The following C12orf56 variants were observed in gnomAD, a reference collection of about 807,000 sequenced individuals.
C12orf56 encodes chromosome 12 open reading frame 56, also known as uncharacterized protein C12orf56.
C12orf56 carries 71 observed loss-of-function variants against 69.9 expected under a neutral mutation model. That is an observed-to-expected ratio of 1.02 (90% CI 0.84 to 1.24). The LOEUF (loss-of-function observed/expected upper bound fraction) is 1.24, where lower values mean the gene tolerates loss of function less well. C12orf56 is among the 50% of genes most tolerant of loss of function. The probability of loss-of-function intolerance (pLI) is 0.00; values close to 1 mark genes in which losing one functional copy is unlikely to be tolerated. For synonymous variants in C12orf56, 276 were observed against 274.1 expected, an observed-to-expected ratio of 1.01 and a Z score of -0.07; for missense variants, 732 against 738.5, an observed-to-expected ratio of 0.99 and a Z score of 0.10.
chr12:64,321,787 G>A (rs2038777126), intron 3 of C12orf56, among the ~76,000 whole-genome samples: 1 of 151,948 alleles, frequency 6.6e-6, no homozygotes, highest in South Asian at 2.1e-4. Context: ...GTATGTATTG[G>A]CATTAAGTTC....
At chr12:64,319,175 G>A (rs1054792061) in intron 3 of C12orf56, among the ~76,000 whole-genome samples, 195 bp from the exon 4 acceptor site, 1 of 152,082 alleles carries the variant, frequency 6.6e-6, no homozygotes. Flanking sequence ...TTTAGTATAC[G>A]TTTCTGTTTT....
At chr12:64,286,133 A>C in intron 6 of C12orf56, 73 bp from the exon 7 acceptor site, 1 of 896,912 alleles carries the variant, frequency 1.1e-6, no homozygotes, top group Non-Finnish European at 1.7e-6. Context: ...CTCATGTACT[A>C]AAAATATGAA....
intron 3 of C12orf56, among the ~76,000 whole-genome samples, chr12:64,319,256 G>C (rs1466322257): frequency 6.6e-6 from 1 of 152,140 alleles, no homozygotes; most frequent in Non-Finnish European, 1.5e-5. Context: ...TGAAAGTATT[G>C]TGCCTGTCCT....
intron 1 of C12orf56, among the ~76,000 whole-genome samples, chr12:64,388,772 G>A (rs969170149): frequency 5.9e-5 from 9 of 152,156 alleles, no homozygotes; most frequent in Non-Finnish European, 1.0e-4. Flanking sequence ...TGGGAGGATC[G>A]CTTGAGCCCT....
intron 11 of C12orf56, among the ~76,000 whole-genome samples, chr12:64,271,984 T>G (rs978836276): frequency 8.5e-5 from 13 of 152,184 alleles, no homozygotes; most frequent in Non-Finnish European, 1.6e-4. Context: ...CCCTTCATCC[T>G]TACATGCTTC....
At chr12:64,343,738 G>A (rs574215278) in intron 2 of C12orf56, among the ~76,000 whole-genome samples, 18 of 152,306 alleles carry the variant, frequency 1.2e-4, no homozygotes, top group South Asian at 8.3e-4. Flanking sequence ...CCATCCCTGC[G>A]TCTTTCAAGT....
chr12:64,295,049 A>G (rs1434795870), intron 6 of C12orf56, among the ~76,000 whole-genome samples: 7 of 151,958 alleles, frequency 4.6e-5, no homozygotes, highest in Non-Finnish European at 2.9e-5. Context: ...CGCCTGGCTA[A>G]TTTTTGTATT....
rs1364471496 is a variant in C12orf56, at chr12:64,312,667, A to T, written c.968+12T>A. ...TCCCCATGCAACTCTATCATACATC[A>T]TCACTTCTTACCTATATGGCTTTTG... is the stretch of plus-strand genomic sequence containing the variant. On this transcript the variant is annotated intron_variant, in intron 5 of 12. Coordinates refer to ENST00000543942, the MANE Select transcript of C12orf56 (RefSeq NM_001170633.2). 6.6e-7 allele frequency: 1 copy of T among 1,523,490 alleles called. No individual in the cohort carries two copies. Among genetic ancestry groups the T allele is most frequent in the African/African-American group, 1.4e-5 (1 of 72,750 alleles). The allele number at this position is 1,523,490 out of a possible 1,614,324, so 94.4% of individuals were successfully genotyped here.
intron 11 of C12orf56, among the ~76,000 whole-genome samples, chr12:64,271,994 C>G (rs1397097380): frequency 6.6e-6 from 1 of 152,120 alleles, no homozygotes; most frequent in Non-Finnish European, 1.5e-5. Flanking sequence ...TTACATGCTT[C>G]ATGGTCACAG....
At chr12:64,282,624 A>C (rs1208416545) in intron 8 of C12orf56, among the ~76,000 whole-genome samples, 7 of 151,758 alleles carry the variant, frequency 4.6e-5, no homozygotes, top group Non-Finnish European at 1.0e-4. Flanking sequence ...AAATACAAAA[A>C]AATTAGCAGG....
At position 64,390,431 on chromosome 12, in the gene C12orf56, A is replaced by G. The variant is rs1379034568; in HGVS notation, c.135T>C (p.Ser45=). The change falls in exon 1 of 13, where the codon TCT becomes TCC. Residue 45 remains serine, a synonymous_variant. Coordinates refer to ENST00000543942, the MANE Select transcript of C12orf56 (RefSeq NM_001170633.2). The part of the protein sequence containing the change: ...AYEPCIVVSN[S]ENHILKYVVL... Reference sequence around the variant, plus strand: ...CCACATACTTGAGGATGTGGTTCTCAGAGTTGGACACCACGATGCATGGCT... The same window carrying G: ...CCACATACTTGAGGATGTGGTTCTCGGAGTTGGACACCACGATGCATGGCT... 5 of 1,612,286 alleles carry G rather than the reference A, an allele frequency of 3.1e-6. No individual in the cohort carries two copies. Among genetic ancestry groups the G allele is most frequent in the Non-Finnish European group, 4.2e-6 (5 of 1,179,710 alleles).
intron 3 of C12orf56, among the ~76,000 whole-genome samples, chr12:64,322,516 T>A (rs1275828051): frequency 2.0e-5 from 3 of 152,158 alleles, no homozygotes; most frequent in Non-Finnish European, 4.4e-5. Flanking sequence ...TTATAACAGT[T>A]GCCTTAAAGT....
chr12:64,385,147 A>G (rs981329786), intron 1 of C12orf56, among the ~76,000 whole-genome samples: 1 of 152,172 alleles, frequency 6.6e-6, no homozygotes, highest in African/African-American at 2.4e-5. Flanking sequence ...TTTCAAAAGT[A>G]ACTTTTAAGG....
At chr12:64,330,268 T>G (rs1459942614) in intron 3 of C12orf56, among the ~76,000 whole-genome samples, 3 of 152,222 alleles carry the variant, frequency 2.0e-5, no homozygotes, top group Admixed American at 1.3e-4. Context: ...TGTAAAGTCT[T>G]CATCTGGACT....
intron 2 of C12orf56, among the ~76,000 whole-genome samples, chr12:64,339,579 T>C (rs2039047226): frequency 6.6e-6 from 1 of 152,038 alleles, no homozygotes; most frequent in Non-Finnish European, 1.5e-5. Context: ...TTGTTTGTTT[T>C]TCAGACAGGG....
At chr12:64,358,019 C>A (rs2039343288) in intron 1 of C12orf56, among the ~76,000 whole-genome samples, 1 of 152,182 alleles carries the variant, frequency 6.6e-6, no homozygotes. Context: ...GTCACACAAA[C>A]AAGGGGACAT....
intron 6 of C12orf56, among the ~76,000 whole-genome samples, chr12:64,286,295 C>A (rs1199606592): frequency 6.6e-6 from 1 of 152,164 alleles, no homozygotes; most frequent in East Asian, 1.9e-4. Flanking sequence ...CTGGGAGATG[C>A]CAGTTAGGCC....
intron 2 of C12orf56, among the ~76,000 whole-genome samples, chr12:64,336,697 G>T (rs2136875901): frequency 6.6e-6 from 1 of 152,266 alleles, no homozygotes; most frequent in Middle Eastern, 3.4e-3. Flanking sequence ...GCACCACACA[G>T]TTTTCTCACA....
rs182906732 is a variant in C12orf56 at position 64,304,105 on chromosome 12, A to G, written c.969-326T>C. 1.1e-4 allele frequency among the ~76,000 whole-genome samples: 17 copies of G among 152,076 alleles called. No homozygotes were observed. In the South Asian group the frequency reaches 1.2e-3, roughly 11 times the overall value. On this transcript the variant is annotated intron_variant, in intron 5 of 12. Transcript: ENST00000543942. Reference sequence around the variant, plus strand: ...GCCTTTATGTAATATTTTTCTTTCAATCAACTAGCTTTTTTTTTTAAGAAG... The same window carrying G: ...GCCTTTATGTAATATTTTTCTTTCAGTCAACTAGCTTTTTTTTTTAAGAAG...
Sources: gnomAD v4.1 joint callset for allele counts (sites outside exome capture counted in the v4.1 genomes callset) on GRCh38, gnomAD v4.1.1 for gene constraint, MANE v1.5 for transcripts, NCBI Gene and HGNC (gene_info 2026-07-23, HGNC 2026-07-21) for gene names.